COL23A1: variants seen among roughly 807,000 people sequenced by gnomAD.
COL23A1 encodes collagen type XXIII alpha 1 chain.
In COL23A1, 97 loss-of-function variants were observed where a neutral mutation model predicts 99.3. The ratio of observed to expected loss-of-function variants is 0.98; its 90% CI spans 0.83 to 1.16. The LOEUF is 1.16. Among genes scored for constraint, COL23A1 ranks in the 50% most tolerant of loss-of-function variants. COL23A1 has a pLI of 0.00. For synonymous variants in COL23A1, 320 were observed against 308.2 expected (o/e 1.04, Z -0.40); for missense variants, 762 against 757.4 (o/e 1.01, Z -0.07).
At position 178,586,130 on chromosome 5, in the gene COL23A1, C is replaced by T. The variant is rs73346589; in HGVS notation, c.294+3774G>A. Among the ~76,000 whole-genome samples the T allele has an allele frequency of 4.3e-3, 655 of 152,314 alleles. 6 individuals are homozygous for T. The highest frequency in any genetic ancestry group is 0.015 in the African/African-American group (621 of 41,580). ...AGAACGGCAGAGACTGAGTGGTACT[C>T]AGGTGTGGCCAAGTCGCTGACAGAC... On this transcript the variant is annotated intron_variant, in intron 1 of 28. Coordinates refer to ENST00000390654, the MANE Select transcript of COL23A1 (RefSeq NM_173465.4).
At chr5:178,379,825 G>A (rs1581265348) in intron 2 of COL23A1, among the ~76,000 whole-genome samples, 1 of 150,650 alleles carries the variant, frequency 6.6e-6, no homozygotes, top group South Asian at 2.1e-4. Flanking sequence ...AGGTTGCGGT[G>A]AGCAGAGGTC....
rs577944808 is a variant in COL23A1 at position 178,589,204 on chromosome 5, A to AG, written c.294+699dup. On this transcript the variant is annotated intron_variant, in intron 1 of 28. Coordinates refer to ENST00000390654, the MANE Select transcript of COL23A1 (RefSeq NM_173465.4). This position sits in a 1 kb window ranked among gnomAD's most constrained non-coding sequence, Gnocchi z 5.4. ...GTAAGCTGTGGAAGTCGCGATTCCC[A>AG]GGTAAGGGACGGGAAACTCCGGATG... Among the ~76,000 whole-genome samples, 34 of 152,270 alleles carry AG rather than the reference A, an allele frequency of 2.2e-4. No homozygotes were observed. The East Asian group carries it at 6.2e-3, about 28-fold the overall frequency.
intron 2 of COL23A1, among the ~76,000 whole-genome samples, chr5:178,316,045 A>AGCT (rs1294509491): frequency 6.6e-6 from 1 of 152,138 alleles, no homozygotes; most frequent in Non-Finnish European, 1.5e-5. Context: ...TTTCTTCTGA[A>AGCT]GCTGTGTGAA....
At chr5:178,504,999 T>C (rs569933747) in intron 2 of COL23A1, among the ~76,000 whole-genome samples, 1 of 152,268 alleles carries the variant, frequency 6.6e-6, no homozygotes, top group Non-Finnish European at 1.5e-5. Flanking sequence ...GGGGTGGCCA[T>C]AACGAAGTTC....
In COL23A1 at chr5:178,340,285, T is replaced by C. The variant is rs530519672; in HGVS notation, c.362-33366A>G. Among the ~76,000 whole-genome samples, 12 of 152,328 alleles carry C rather than the reference T, an allele frequency of 7.9e-5. No homozygotes were observed. In the South Asian group the frequency reaches 1.7e-3, roughly 21 times the overall value. On this transcript the variant is annotated intron_variant, in intron 2 of 28. Coordinates refer to ENST00000390654, the MANE Select transcript of COL23A1 (RefSeq NM_173465.4). The surrounding 1 kb of genome is among the most constrained non-coding windows in gnomAD (Gnocchi z 4.7). The stretch of plus-strand genomic sequence containing the variant: ...CAGCAATAAGCCTCACCAAAAAATG[T>C]GCTCATGTAAGAAAAACAATTATCC...
At chr5:178,453,093 C>T (rs1320258111) in intron 2 of COL23A1, among the ~76,000 whole-genome samples, 1 of 152,122 alleles carries the variant, frequency 6.6e-6, no homozygotes, top group African/African-American at 2.4e-5. Flanking sequence ...AATGAAGAAG[C>T]TCTTTAGAGA....
intron 1 of COL23A1, among the ~76,000 whole-genome samples, chr5:178,577,680 G>T (rs964456747): frequency 6.6e-6 from 1 of 152,204 alleles, no homozygotes; most frequent in African/African-American, 2.4e-5. Context: ...GGCTCCTCTG[G>T]CCGCGCTGCG....
chr5:178,584,944 G>A (rs1581685661), intron 1 of COL23A1, among the ~76,000 whole-genome samples: 1 of 152,164 alleles, frequency 6.6e-6, no homozygotes, highest in Admixed American at 6.5e-5. Flanking sequence ...GGCAAGCAAT[G>A]TCCTAGAGTG....
intron 2 of COL23A1, among the ~76,000 whole-genome samples, chr5:178,547,327 C>T (rs1376545772): frequency 2.0e-5 from 3 of 151,874 alleles, no homozygotes; most frequent in Non-Finnish European, 2.9e-5. Context: ...AGAAAAAAGG[C>T]GGGTGGCGAG....
chr5:178,238,687 G>A lies in COL23A1; in HGVS notation c.*11C>T. On this transcript the variant is annotated 3_prime_UTR_variant, in exon 29 of 29. Coordinates refer to ENST00000390654, the MANE Select transcript of COL23A1 (RefSeq NM_173465.4). ...ACACGGATCTGTACAGGTGTGAGCTGGGCCTGTGGGTCACTGGAAAAGGAG... is the reference window on the plus strand; with the variant it reads ...ACACGGATCTGTACAGGTGTGAGCTAGGCCTGTGGGTCACTGGAAAAGGAG... 2 of 1,612,226 alleles carry A rather than the reference G, an allele frequency of 1.2e-6. No individual in the cohort carries two copies. The highest frequency in any genetic ancestry group is 1.1e-5 in the South Asian group (1 of 90,996).
intron 2 of COL23A1, among the ~76,000 whole-genome samples, chr5:178,452,606 G>A (rs923216078): frequency 3.9e-5 from 6 of 152,212 alleles, no homozygotes; most frequent in African/African-American, 1.4e-4. Context: ...GCTTATTTCT[G>A]TAATACATAA....
chr5:178,465,932 G>A (rs1399509194), intron 2 of COL23A1, among the ~76,000 whole-genome samples: 6 of 152,246 alleles, frequency 3.9e-5, no homozygotes, highest in Non-Finnish European at 7.4e-5. Context: ...CTAACTCAGC[G>A]CACACTTCAG....
chr5:178,442,152 TC>T (rs1481382111), intron 2 of COL23A1, among the ~76,000 whole-genome samples: 70 of 151,416 alleles, frequency 4.6e-4, no homozygotes, highest in African/African-American at 1.6e-3. Flanking sequence ...TTGGCCAAGG[TC>T]CCCAGATGAT....
At position 178,306,950 on chromosome 5, in the gene COL23A1, A is replaced by G; in HGVS notation, c.362-31T>C. On this transcript the variant is annotated intron_variant, in intron 2 of 28. Transcript: ENST00000390654. The surrounding 1 kb of genome is among the most constrained non-coding windows in gnomAD (Gnocchi z 4.1). ...CAGGAAAACAAGAATGCATTCATTG[A>G]GAAGGGAAGCCAGTGGACTTGGCTG... 1 of 1,473,136 alleles carries G rather than the reference A, an allele frequency of 6.8e-7. No individual in the cohort carries two copies. The highest frequency in any genetic ancestry group is 9.0e-7 in the Non-Finnish European group (1 of 1,109,250). The allele number at this position is 1,473,136 out of a possible 1,614,324, so 91.3% of individuals were successfully genotyped here. A position where few individuals can be genotyped will look rare whatever the true frequency, so the allele number is the denominator to read the frequency against.
At position 178,343,454 on chromosome 5, in the gene COL23A1, C is replaced by T. The variant is rs116598941; in HGVS notation, c.362-36535G>A. Among the ~76,000 whole-genome samples the T allele has an allele frequency of 5.9e-3, 899 of 152,168 alleles. 9 individuals carry two copies. Among genetic ancestry groups the T allele is most frequent in the African/African-American group, 0.018 (732 of 41,506 alleles). On this transcript the variant is annotated intron_variant, in intron 2 of 28. Transcript: ENST00000390654. Reference sequence around the variant, plus strand: ...AACCATAAACTTGTCGGTAAAAAGGCAAAGACTGTTGATTGGATAGAAGCC... The same window carrying T: ...AACCATAAACTTGTCGGTAAAAAGGTAAAGACTGTTGATTGGATAGAAGCC...
chr5:178,386,347 G>C (rs967454606), intron 2 of COL23A1, among the ~76,000 whole-genome samples: 7 of 152,018 alleles, frequency 4.6e-5, no homozygotes, highest in African/African-American at 7.2e-5. Context: ...GCTGAGGCAG[G>C]AGAATCGCTT....
chr5:178,248,628 A>G (rs946341530), intron 19 of COL23A1, among the ~76,000 whole-genome samples: 2 of 152,138 alleles, frequency 1.3e-5, no homozygotes, highest in African/African-American at 4.8e-5. Context: ...CCACAAAAGC[A>G]ACGAAAATCA....
At chr5:178,301,849 C>CG (rs1758052465) in intron 3 of COL23A1, among the ~76,000 whole-genome samples, 1 of 150,906 alleles carries the variant, frequency 6.6e-6, no homozygotes, top group Non-Finnish European at 1.5e-5. Flanking sequence ...CGCCGGAGCA[C>CG]AGCTTCAATG....
chr5:178,487,772 T>C (rs545411944), intron 2 of COL23A1, among the ~76,000 whole-genome samples: 1 of 152,266 alleles, frequency 6.6e-6, no homozygotes, highest in Non-Finnish European at 1.5e-5. Flanking sequence ...GATAACTACA[T>C]ACCCAGTTCC....
Sources: gnomAD v4.1 joint callset for allele counts (sites outside exome capture counted in the v4.1 genomes callset) on GRCh38, gnomAD v4.1.1 for gene constraint, Gnocchi (gnomAD v3.1) non-coding constraint, MANE v1.5 for transcripts, NCBI Gene and HGNC (gene_info 2026-07-23, HGNC 2026-07-21) for gene names.